Variants in PDE4D observed in about 807,000 individuals in gnomAD.
PDE4D encodes the protein 3',5'-cyclic-AMP phosphodiesterase 4D.
PDE4D carries 24 observed loss-of-function variants against 87.4 expected under a neutral mutation model. The ratio of observed to expected loss-of-function variants is 0.27; its 90% CI spans 0.20 to 0.39. The LOEUF (loss-of-function observed/expected upper bound fraction) is 0.39, where lower values mean the gene tolerates loss of function less well. PDE4D is among the 10% of genes least tolerant of loss of function. The probability of loss-of-function intolerance (pLI) is 1.00; values close to 1 mark genes in which losing one functional copy is unlikely to be tolerated. For synonymous variants in PDE4D, 384 were observed against 383.2 expected, an observed-to-expected ratio of 1.00 and a Z score of -0.02; for missense variants, 714 against 1,041.0, an observed-to-expected ratio of 0.69 and a Z score of 4.32.
chr5:59,520,023 A>G (rs2153672634), intron 1 of PDE4D, among the ~76,000 whole-genome samples: 1 of 152,160 alleles, frequency 6.6e-6, no homozygotes, highest in Non-Finnish European at 1.5e-5. Context: ...GCTTTTTTGG[A>G]GGCTGAGGTG....
At chr5:60,189,976 T>TAAAGTAGACATCA (rs68044010) in intron 1 of PDE4D, among the ~76,000 whole-genome samples, 36,638 of 152,118 alleles carry the variant, frequency 0.24, 5,616 homozygotes, top group African/African-American at 0.44. Context: ...TAGGGTTGCA[T>TAAAGTAGACATCA]AAATGAAACC....
intron 1 of PDE4D, among the ~76,000 whole-genome samples, chr5:59,297,042 A>G (rs1182303862): frequency 3.9e-5 from 6 of 152,172 alleles, no homozygotes; most frequent in African/African-American, 1.4e-4. Flanking sequence ...TAGGTGACTT[A>G]ACCCTTCAGA....
At chr5:59,593,116 T>G (rs904050714) in intron 1 of PDE4D, among the ~76,000 whole-genome samples, 17 of 151,814 alleles carry the variant, frequency 1.1e-4, no homozygotes, top group Non-Finnish European at 5.9e-5. Flanking sequence ...AAAGAAAAAA[T>G]ACAAATAATG....
At chr5:59,677,732 T>C (rs1171565816) in intron 1 of PDE4D, among the ~76,000 whole-genome samples, 1 of 152,150 alleles carries the variant, frequency 6.6e-6, no homozygotes, top group East Asian at 1.9e-4. Context: ...TAGAAAGGGT[T>C]TCCGAATCAG....
At chr5:60,503,011 T>A (rs999273218) in intron 1 of PDE4D, among the ~76,000 whole-genome samples, 5 of 152,118 alleles carry the variant, frequency 3.3e-5, no homozygotes, top group Admixed American at 2.0e-4. Flanking sequence ...TCACTTATGC[T>A]CTCAGCAGCA....
intron 1 of PDE4D, among the ~76,000 whole-genome samples, chr5:59,892,082 G>A (rs773220729): frequency 4.6e-5 from 7 of 152,122 alleles, no homozygotes; most frequent in Admixed American, 6.5e-5. Context: ...GTGCCTGTGT[G>A]GGGGAGGGGA....
intron 1 of PDE4D, among the ~76,000 whole-genome samples, chr5:60,207,311 TTTGAGTGCCTTGCTTGGCAC>T (rs1742661970): frequency 6.6e-6 from 1 of 152,208 alleles, no homozygotes; most frequent in African/African-American, 2.4e-5. Context: ...TATATGAGGC[TTTGAGTGCCTTGCTTGGCAC>T]TTGAGTGCCT....
chr5:59,796,645 A>G (rs1766513135), intron 1 of PDE4D, among the ~76,000 whole-genome samples: 1 of 152,248 alleles, frequency 6.6e-6, no homozygotes, highest in Non-Finnish European at 1.5e-5. Flanking sequence ...AAAAAAATTA[A>G]AGGCAAGCCC....
intron 2 of PDE4D, chr5:59,193,886 T>C (rs1217755072): frequency 3.6e-6 from 2 of 556,216 alleles, no homozygotes; most frequent in Admixed American, 6.3e-5. Context: ...AGGGGTGCTG[T>C]GGAAGGAACC....
At chr5:60,368,271 T>C (rs6895769) in intron 1 of PDE4D, among the ~76,000 whole-genome samples, 2,886 of 152,284 alleles carry the variant, frequency 0.019, 104 homozygotes, top group African/African-American at 0.066. Context: ...TCAGCAACAA[T>C]GTTAGAAAGG....
intron 2 of PDE4D, among the ~76,000 whole-genome samples, chr5:60,049,643 C>A (rs897431334): frequency 6.6e-6 from 1 of 152,208 alleles, no homozygotes; most frequent in Non-Finnish European, 1.5e-5. Flanking sequence ...TGTCAGTCTG[C>A]CCCTGCTGGG....
At chr5:60,172,861 G>C (rs889252529) in intron 2 of PDE4D, among the ~76,000 whole-genome samples, 6 of 152,034 alleles carry the variant, frequency 3.9e-5, no homozygotes, top group Non-Finnish European at 8.8e-5. Context: ...GCAGTCAGGG[G>C]ACAAGTTTAA....
intron 3 of PDE4D, among the ~76,000 whole-genome samples, chr5:59,924,829 T>A (rs1220499587): frequency 6.6e-6 from 1 of 152,170 alleles, no homozygotes; most frequent in Non-Finnish European, 1.5e-5. Context: ...ATAATTGCGA[T>A]GTTTAAACTA....
At chr5:59,684,315 T>C (rs1749507286) in intron 1 of PDE4D, among the ~76,000 whole-genome samples, 2 of 152,220 alleles carry the variant, frequency 1.3e-5, no homozygotes, top group South Asian at 2.1e-4. Flanking sequence ...TCCATTAGAC[T>C]GTCATGTTTT....
chr5:59,133,989 G>GT (rs1447068746), intron 5 of PDE4D, among the ~76,000 whole-genome samples: 1 of 151,064 alleles, frequency 6.6e-6, no homozygotes, highest in African/African-American at 2.4e-5. Context: ...TAGTTTTGTT[G>GT]TTGTTGTTGT....
rs1760710956 is a variant in PDE4D at position 60,368,116 on chromosome 5, C to T, written c.-90+119826G>A. On this transcript the variant is annotated intron_variant, in intron 1 of 16. Transcript: ENST00000502484. ...GCAAATATTTCAAAGAACAGATCTC[C>T]ATTATGCTCATAAACTTACCCATTT... is the stretch of plus-strand genomic sequence containing the variant. 4.6e-5 allele frequency among the ~76,000 whole-genome samples: 7 copies of T among 152,150 alleles called. No homozygotes were observed. In the South Asian group the frequency reaches 1.5e-3, roughly 32 times the overall value.
Position 60,371,019 on chromosome 5 carries a change from C to T in PDE4D, c.-90+116923G>A, listed in dbSNP as rs115625480. On this transcript the variant is annotated intron_variant, in intron 1 of 16. Transcript: ENST00000502484. ...GGAGAAACCATATGTGAGCTCACAACTCTAGCAAAAGCTTTGTTTTCATTG... is the reference window on the plus strand; with the variant it reads ...GGAGAAACCATATGTGAGCTCACAATTCTAGCAAAAGCTTTGTTTTCATTG... Among the ~76,000 whole-genome samples the T allele has an allele frequency of 5.7e-3, 871 of 152,300 alleles. 5 individuals carry two copies. The highest frequency in any genetic ancestry group is 0.02 in the African/African-American group (826 of 41,568).
intron 1 of PDE4D, among the ~76,000 whole-genome samples, chr5:59,692,978 G>A (rs1214636667): frequency 1.3e-5 from 2 of 151,994 alleles, no homozygotes; most frequent in South Asian, 2.1e-4. Context: ...GTTTGCTAAG[G>A]TCTATTTAAT....
chr5:60,040,567 C>T (rs1293214278), intron 2 of PDE4D, among the ~76,000 whole-genome samples: 2 of 152,094 alleles, frequency 1.3e-5, no homozygotes, highest in Admixed American at 1.3e-4. Context: ...GAAATGCATA[C>T]TTCATGGAAA....
Sources: allele counts gnomAD v4.1 joint callset (sites outside exome capture counted in the v4.1 genomes callset), GRCh38; gene constraint gnomAD v4.1.1; transcripts MANE v1.5; gene names NCBI Gene and HGNC (gene_info 2026-07-23, HGNC 2026-07-21).